The following SNRPN variants were observed in gnomAD, a reference collection of about 807,000 sequenced individuals.
SNRPN encodes the protein small nuclear ribonucleoprotein-associated protein N.
SNRPN carries 7 observed loss-of-function variants against 25.2 expected under a neutral mutation model. The observed-to-expected ratio is 0.28, with a 90% CI of 0.16 to 0.52. SNRPN has a LOEUF of 0.52. Among genes scored for constraint, SNRPN ranks in the 20% least tolerant of loss-of-function variants. SNRPN has a pLI of 0.96. For missense variants in SNRPN, 196 were observed against 322.5 expected, an observed-to-expected ratio of 0.61 and a Z score of 3.00; for synonymous variants, 124 against 110.6, an observed-to-expected ratio of 1.12 and a Z score of -0.76.
At chr15:24,836,363 G>T (rs185344055) in intron 2 of SNRPN, among the ~76,000 whole-genome samples, 4 of 152,144 alleles carry the variant, frequency 2.6e-5, no homozygotes, top group African/African-American at 9.7e-5. Context: ...TGCAAGGTTC[G>T]TGGCTGAGTC....
intron 1 of SNRPN, among the ~76,000 whole-genome samples, chr15:24,826,599 T>C (rs1419119550): frequency 6.6e-6 from 1 of 152,118 alleles, no homozygotes; most frequent in Non-Finnish European, 1.5e-5. Flanking sequence ...TTGCTTCTAG[T>C]TGGCAATACA....
intron 2 of SNRPN, among the ~76,000 whole-genome samples, chr15:24,916,337 G>C (rs187743958): frequency 1.3e-5 from 2 of 152,032 alleles, no homozygotes; most frequent in African/African-American, 2.4e-5. Context: ...AGGGGAAAGT[G>C]GGGGGAGAGA....
intron 1 of SNRPN, chr15:24,958,892 AT>A (rs559805804): frequency 1.2e-3 from 189 of 153,504 alleles, no homozygotes; most frequent in African/African-American, 4.5e-3. Context: ...CTAACTTTTT[AT>A]TTTTTTGTAG....
At chr15:24,970,147 T>TG (rs1566969264) in intron 3 of SNRPN, among the ~76,000 whole-genome samples, 1 of 152,192 alleles carries the variant, frequency 6.6e-6, no homozygotes, top group Admixed American at 6.5e-5. Context: ...ATGAATTTCT[T>TG]GGGGAAGGGA....
At chr15:24,898,626 G>A (rs1169044502) in intron 2 of SNRPN, among the ~76,000 whole-genome samples, 4 of 151,994 alleles carry the variant, frequency 2.6e-5, no homozygotes, top group Non-Finnish European at 5.9e-5. Flanking sequence ...ATAAAGGGGT[G>A]AACCACTTTG....
chr15:24,861,451 G>C (rs1346051721), intron 1 of SNRPN, among the ~76,000 whole-genome samples: 1 of 152,206 alleles, frequency 6.6e-6, no homozygotes, highest in Admixed American at 6.5e-5. Context: ...TAGGGCAGTT[G>C]CCATGCCTGG....
intron 3 of SNRPN, among the ~76,000 whole-genome samples, chr15:24,939,038 A>G (rs2061400115): frequency 6.6e-6 from 1 of 152,180 alleles, no homozygotes; most frequent in Admixed American, 6.5e-5. Context: ...AAAATAAGAT[A>G]TAGTTAATAT....
intron 3 of SNRPN, among the ~76,000 whole-genome samples, chr15:24,942,742 G>T (rs561935052): frequency 6.6e-6 from 1 of 152,258 alleles, no homozygotes. Flanking sequence ...CCTGATCACT[G>T]TGGGGAATGG....
At position 24,840,975 on chromosome 15, in the gene SNRPN, G is replaced by A. The variant is rs529932450; in HGVS notation, c.-579+11070G>A. 3.2e-4 allele frequency among the ~76,000 whole-genome samples: 48 copies of A among 152,084 alleles called. 1 individual carries two copies. Among genetic ancestry groups the A allele is most frequent in the Admixed American group, 1.0e-3 (16 of 15,270 alleles). On this transcript the variant is annotated intron_variant, in intron 2 of 12. Coordinates refer to the SNRPN transcript ENST00000400100. ...TCCTGCCTCAGCCTCCTGAGTAGCT[G>A]GGATTATAGGCGCCCACCACCATGC...
At chr15:24,860,957 A>T (rs1171657930) in intron 1 of SNRPN, among the ~76,000 whole-genome samples, 2 of 152,042 alleles carry the variant, frequency 1.3e-5, no homozygotes, top group African/African-American at 4.8e-5. Flanking sequence ...TTCATCTCTA[A>T]TGGGCTGCCC....
intron 2 of SNRPN, among the ~76,000 whole-genome samples, chr15:24,907,228 G>A (rs1410113927): frequency 2.6e-5 from 4 of 152,104 alleles, no homozygotes; most frequent in Admixed American, 6.6e-5. Context: ...TAATACCTAC[G>A]GAGGAAGGAC....
upstream of SNRPN, among the ~76,000 whole-genome samples, chr15:24,951,649 A>G (rs867828774): frequency 8.5e-5 from 13 of 152,118 alleles, 1 homozygote; most frequent in South Asian, 2.5e-3. Flanking sequence ...CTGGGACTAC[A>G]GACATGTGCC....
chr15:24,851,561 G>A (rs181761959), upstream of SNRPN: 29 of 153,200 alleles, frequency 1.9e-4, no homozygotes, highest in East Asian at 4.4e-3. Context: ...GGGCAGGAGC[G>A]GGAAGGGCAG....
At chr15:24,869,671 C>A (rs2054902022) in intron 1 of SNRPN, among the ~76,000 whole-genome samples, 1 of 152,146 alleles carries the variant, frequency 6.6e-6, no homozygotes, top group Non-Finnish European at 1.5e-5. Flanking sequence ...TCACGGGTGT[C>A]TACTATCAAC....
intron 2 of SNRPN, among the ~76,000 whole-genome samples, chr15:24,962,840 G>T (rs2075044013): frequency 6.6e-6 from 1 of 151,834 alleles, no homozygotes; most frequent in Admixed American, 6.6e-5. Flanking sequence ...AAATTTTGAT[G>T]GCATTAAAAT....
At chr15:24,964,216 T>C (rs1026280384) in intron 2 of SNRPN, among the ~76,000 whole-genome samples, 9 of 152,216 alleles carry the variant, frequency 5.9e-5, no homozygotes, top group African/African-American at 2.2e-4. Context: ...TGTTTGTATA[T>C]TGGTAAATAT....
intron 1 of SNRPN, among the ~76,000 whole-genome samples, chr15:24,857,311 T>C (rs1195440871): frequency 6.6e-6 from 1 of 152,212 alleles, no homozygotes; most frequent in Non-Finnish European, 1.5e-5. Context: ...TTGATTTTTT[T>C]CCCAACTTGC....
chr15:24,913,677 C>G (rs550124364), intron 2 of SNRPN, among the ~76,000 whole-genome samples: 1 of 151,734 alleles, frequency 6.6e-6, no homozygotes, highest in Non-Finnish European at 1.5e-5. Flanking sequence ...ACAAAAAAAA[C>G]AAAGAAAAAG....
intron 2 of SNRPN, among the ~76,000 whole-genome samples, chr15:24,838,003 A>C (rs1413905790): frequency 6.9e-6 from 1 of 145,738 alleles, no homozygotes; most frequent in Admixed American, 6.8e-5. Flanking sequence ...GATTACAGGC[A>C]TGAGCCACTG....
Sources: gnomAD v4.1 joint callset for allele counts (sites outside exome capture counted in the v4.1 genomes callset) on GRCh38, gnomAD v4.1.1 for gene constraint, MANE v1.5 for transcripts, NCBI Gene and HGNC (gene_info 2026-07-23, HGNC 2026-07-21) for gene names.